Variants in ZMAT4 observed in about 807,000 individuals in gnomAD.
ZMAT4 encodes the protein zinc finger matrin-type protein 4.
Under a neutral mutation model 28.7 loss-of-function variants are expected in ZMAT4, and 17 were observed. The ratio of observed to expected loss-of-function variants is 0.59; its 90% CI spans 0.41 to 0.89. ZMAT4 has a LOEUF of 0.89. Among genes scored for constraint, ZMAT4 ranks in the 40% least tolerant of loss-of-function variants. The pLI, the probability that ZMAT4 is intolerant of heterozygous loss-of-function variation, is 0.00. For missense variants in ZMAT4, 240 were observed against 283.8 expected, an observed-to-expected ratio of 0.85 and a Z score of 1.11; for synonymous variants, 117 against 109.2, an observed-to-expected ratio of 1.07 and a Z score of -0.44.
intron 5 of ZMAT4, among the ~76,000 whole-genome samples, chr8:40,591,479 C>T (rs1585726820): frequency 6.6e-6 from 1 of 152,196 alleles, no homozygotes; most frequent in African/African-American, 2.4e-5. Context: ...GCTGGGGACA[C>T]TAAGACAGAG....
intron 3 of ZMAT4, among the ~76,000 whole-genome samples, chr8:40,754,664 G>C (rs1812599587): frequency 1.3e-5 from 2 of 152,134 alleles, no homozygotes; most frequent in African/African-American, 2.4e-5. Context: ...TTAAATCTGG[G>C]CTGTCCTAGA....
intron 5 of ZMAT4, among the ~76,000 whole-genome samples, chr8:40,598,866 C>T (rs6995580): frequency 0.21 from 31,284 of 152,054 alleles, 3,346 homozygotes; most frequent in Middle Eastern, 0.26. Flanking sequence ...TGGATTGTTA[C>T]GGGGTTTTCC....
intron 4 of ZMAT4, among the ~76,000 whole-genome samples, chr8:40,682,458 G>A (rs1018531992): frequency 2.0e-5 from 3 of 152,084 alleles, no homozygotes; most frequent in Admixed American, 2.0e-4. Flanking sequence ...ATCCAAATAT[G>A]GCTCTAATTG....
At chr8:40,575,355 C>T (rs1028371132) in intron 6 of ZMAT4, among the ~76,000 whole-genome samples, 1 of 152,084 alleles carries the variant, frequency 6.6e-6, no homozygotes, top group Non-Finnish European at 1.5e-5. Flanking sequence ...GCCACCAAAC[C>T]CCTATGCCTT....
At chr8:40,700,624 C>T (rs531010958) in intron 3 of ZMAT4, among the ~76,000 whole-genome samples, 4 of 151,878 alleles carry the variant, frequency 2.6e-5, no homozygotes, top group African/African-American at 7.3e-5. Flanking sequence ...TGTCTACAAC[C>T]TGTTTTCCGG....
At chr8:40,661,300 A>C (rs574663148) in intron 5 of ZMAT4, among the ~76,000 whole-genome samples, 2 of 152,314 alleles carry the variant, frequency 1.3e-5, no homozygotes, top group Non-Finnish European at 2.9e-5. Context: ...GGGTTTCACC[A>C]TGTTGGCCAG....
intron 4 of ZMAT4, among the ~76,000 whole-genome samples, chr8:40,680,700 GTA>G (rs1491302325): frequency 0.036 from 5,316 of 149,154 alleles, 259 homozygotes; most frequent in African/African-American, 0.11. Context: ...CATGTCTAAT[GTA>G]CACACACACA....
intron 1 of ZMAT4, among the ~76,000 whole-genome samples, chr8:40,877,610 GAAAC>G (rs1818084476): frequency 6.6e-6 from 1 of 152,138 alleles, no homozygotes; most frequent in African/African-American, 2.4e-5. Context: ...AAAAATGAAA[GAAAC>G]AAAACCACAG....
chr8:40,786,096 T>C (rs1814064581), intron 2 of ZMAT4, among the ~76,000 whole-genome samples: 2 of 152,162 alleles, frequency 1.3e-5, no homozygotes, highest in South Asian at 4.1e-4. Context: ...CTTGCTGAAT[T>C]AGGAAGCCAG....
intron 3 of ZMAT4, among the ~76,000 whole-genome samples, chr8:40,756,457 T>TATATATATATATATATATATATACAC (rs1278110013): frequency 8.8e-6 from 1 of 113,316 alleles, no homozygotes; most frequent in African/African-American, 3.3e-5. Flanking sequence ...TATATATATA[T>TATATATATATATATATATATATACAC]ACACACTTGT....
At chr8:40,846,353 G>C (rs1816899191) in intron 1 of ZMAT4, among the ~76,000 whole-genome samples, 1 of 151,998 alleles carries the variant, frequency 6.6e-6, no homozygotes, top group Non-Finnish European at 1.5e-5. Flanking sequence ...AATTCTTCTG[G>C]GACACACAGG....
rs1200389926 is a variant in ZMAT4, at chr8:40,800,093, G to A, written c.102+25482C>T. On this transcript the variant is annotated intron_variant, in intron 2 of 6. Coordinates refer to ENST00000297737, the MANE Select transcript of ZMAT4 (RefSeq NM_024645.3). ...TCTAACTACAGTCATTTGCTGCATG[G>A]CAGCATTTGAGTCAACGATGGACCA... Among the ~76,000 whole-genome samples the A allele has an allele frequency of 2.6e-5, 4 of 152,300 alleles. No individual in the cohort carries two copies. The East Asian group carries it at 7.7e-4, about 29-fold the overall frequency.
chr8:40,696,824 T>TA lies in ZMAT4; in HGVS notation c.349+420dup, dbSNP rs953167502. ...TTCCTCCCACTCTCCCCTGCCAAGG[T>TA]AAAAAAAAGGATGATGTCCTGCATT... On this transcript the variant is annotated intron_variant, in intron 4 of 6. Coordinates refer to ENST00000297737, the MANE Select transcript of ZMAT4 (RefSeq NM_024645.3). Among the ~76,000 whole-genome samples the TA allele has an allele frequency of 4.2e-4, 64 of 151,860 alleles. 1 individual carries two copies. Among genetic ancestry groups the TA allele is most frequent in the African/African-American group, 1.2e-3 (48 of 41,414 alleles).
intron 5 of ZMAT4, among the ~76,000 whole-genome samples, chr8:40,603,096 T>A (rs1805454402): frequency 1.3e-5 from 2 of 152,186 alleles, no homozygotes; most frequent in Admixed American, 6.5e-5. Flanking sequence ...ACTACTCAAG[T>A]ACAAAATTGT....
At chr8:40,613,180 C>CTTTCTTTTTTTTTTTTT (rs71224837) in intron 5 of ZMAT4, among the ~76,000 whole-genome samples, 28 of 79,976 alleles carry the variant, frequency 3.5e-4, no homozygotes, top group East Asian at 1.0e-3. Flanking sequence ...TACTTTCTTT[C>CTTTCTTTTTTTTTTTTT]TTTTTTTTTT....
intron 5 of ZMAT4, among the ~76,000 whole-genome samples, chr8:40,607,730 T>C (rs897059565): frequency 1.8e-4 from 27 of 152,126 alleles, no homozygotes; most frequent in African/African-American, 6.3e-4. Context: ...GCTCCCTTGA[T>C]GTGGTGCTCT....
intron 5 of ZMAT4, among the ~76,000 whole-genome samples, chr8:40,591,825 CCTTACGAATA>C (rs917421519): frequency 3.7e-4 from 56 of 152,258 alleles, no homozygotes; most frequent in African/African-American, 1.3e-3. Flanking sequence ...CTCAAAACCA[CCTTACGAATA>C]CTATGAGCTC....
intron 3 of ZMAT4, among the ~76,000 whole-genome samples, chr8:40,735,046 C>A (rs1811703812): frequency 6.6e-6 from 1 of 152,154 alleles, no homozygotes. Flanking sequence ...GCTGACTCAG[C>A]TTTTTACTGA....
intron 2 of ZMAT4, among the ~76,000 whole-genome samples, chr8:40,798,710 T>A (rs1288361728): frequency 6.6e-6 from 1 of 152,222 alleles, no homozygotes; most frequent in Non-Finnish European, 1.5e-5. Flanking sequence ...TCGGCTGAGA[T>A]TAATTTCCCT....
Sources: allele counts gnomAD v4.1 joint callset (sites outside exome capture counted in the v4.1 genomes callset), GRCh38; gene constraint gnomAD v4.1.1; transcripts MANE v1.5; gene names NCBI Gene and HGNC (gene_info 2026-07-23, HGNC 2026-07-21).